The following ZNF718 variants were observed in gnomAD, a reference collection of about 807,000 sequenced individuals.
ZNF718 encodes the protein zinc finger protein 718.
Under a neutral mutation model 2.6 loss-of-function variants are expected in ZNF718, and 3 were observed. That is an observed-to-expected ratio of 1.16 (90% CI 0.53 to 3.01). The LOEUF (loss-of-function observed/expected upper bound fraction) is 3.01. ZNF718 is among the 30% of genes most tolerant of loss of function. ZNF718 has a pLI of 0.03. For synonymous variants in ZNF718, 135 were observed against 77.9 expected (o/e 1.73, Z -3.86); for missense variants, 468 against 230.0 (o/e 2.03, Z -6.69).
intron 3 of ZNF718, among the ~76,000 whole-genome samples, chr4:141,050 T>G (rs1553810156): frequency 6.6e-6 from 1 of 152,238 alleles, no homozygotes; most frequent in Non-Finnish European, 1.5e-5. Flanking sequence ...AAGTCTCTTC[T>G]AAAGTTGCGG....
At chr4:166,005 C>T (rs1717078205), downstream of ZNF718, among the ~76,000 whole-genome samples, 1 of 152,116 alleles carries the variant, frequency 6.6e-6, no homozygotes, top group Admixed American at 6.6e-5. Context: ...TATCCCTCCC[C>T]CAACCCCACA....
chr4:170,045 G>C (rs987673042), intron 3 of ZNF718, among the ~76,000 whole-genome samples: 20 of 151,910 alleles, frequency 1.3e-4, no homozygotes, highest in African/African-American at 4.8e-4. Context: ...CAGGCCTGGT[G>C]GTGACAAAAT....
chr4:160,826 C>G (rs1716789270), intron 3 of ZNF718, 86 bp from the exon 4 acceptor site: 1 of 657,256 alleles, frequency 1.5e-6, no homozygotes, highest in Non-Finnish European at 2.8e-6. Flanking sequence ...GCTGGAATTA[C>G]TGGCTTGAGC....
chr4:182,675 C>T (rs184026975), intron 3 of ZNF718, among the ~76,000 whole-genome samples: 170 of 152,142 alleles, frequency 1.1e-3, no homozygotes, highest in African/African-American at 4.0e-3. Flanking sequence ...TCAAGTGATC[C>T]GCCCACCTCA....
chr4:170,398 T>A (rs993873379), intron 3 of ZNF718, among the ~76,000 whole-genome samples: 1 of 152,176 alleles, frequency 6.6e-6, no homozygotes, highest in Non-Finnish European at 1.5e-5. Context: ...TTGGCCTTCC[T>A]TGCTAGATTG....
intron 3 of ZNF718, among the ~76,000 whole-genome samples, chr4:172,154 C>T (rs782109985): frequency 7.9e-5 from 12 of 152,118 alleles, no homozygotes; most frequent in Non-Finnish European, 1.2e-4. Flanking sequence ...ACTGTATTTA[C>T]GTATTATTTT....
intron 3 of ZNF718, among the ~76,000 whole-genome samples, chr4:195,938 C>A (rs1236016794): frequency 6.6e-6 from 1 of 152,110 alleles, no homozygotes; most frequent in Non-Finnish European, 1.5e-5. Flanking sequence ...CTGTCTTTCT[C>A]TTTTTTTCTC....
At position 132,726 on chromosome 4, in the gene ZNF718, AATTTT is replaced by A. The variant is rs1715377347; in HGVS notation, c.226+1228_226+1232del. On this transcript the variant is annotated intron_variant, in intron 3 of 3. Coordinates refer to ENST00000510175, the MANE Select transcript of ZNF718 (RefSeq NM_001039127.6). ...TGTTTTCCTAAATATGAAAAAATGT[AATTTT>A]ATTTTACTTCAAAATGTTATTGTTT... is the stretch of plus-strand genomic sequence containing the variant. Among the ~76,000 whole-genome samples the A allele has an allele frequency of 1.9e-5, 2 of 104,440 alleles. 1 individual carries two copies. Among genetic ancestry groups the A allele is most frequent in the African/African-American group, 6.6e-5 (2 of 30,188 alleles). 68.5% of individuals were successfully genotyped at this position (104,440 alleles called of 152,430 possible).
At chr4:147,237 T>C (rs4315728) in intron 3 of ZNF718, among the ~76,000 whole-genome samples, 21,316 of 152,214 alleles carry the variant, frequency 0.14, 1,996 homozygotes, top group Admixed American at 0.24. Flanking sequence ...TTTTTAGATC[T>C]GTGTTTTATT....
intron 3 of ZNF718, among the ~76,000 whole-genome samples, chr4:178,486 G>A (rs1717394113): frequency 6.6e-6 from 1 of 152,018 alleles, no homozygotes; most frequent in Non-Finnish European, 1.5e-5. Context: ...AATTTTCTTG[G>A]AGGCTGCATT....
rs1715372521 is a variant in ZNF718 at position 132,434 on chromosome 4, A to T, written c.226+929A>T. On this transcript the variant is annotated intron_variant, in intron 3 of 3. Coordinates refer to ENST00000510175, the MANE Select transcript of ZNF718 (RefSeq NM_001039127.6). ...GGGCTACATGATCTGACTGCTGTTCATTGCTTTTGGGGACCTGGGAACATT... is the reference window on the plus strand; with the variant it reads ...GGGCTACATGATCTGACTGCTGTTCTTTGCTTTTGGGGACCTGGGAACATT... Among the ~76,000 whole-genome samples the T allele has an allele frequency of 1.9e-5, 2 of 103,728 alleles. 1 individual carries two copies. Among genetic ancestry groups the T allele is most frequent in the African/African-American group, 6.7e-5 (2 of 29,888 alleles). 68.0% of individuals were successfully genotyped at this position (103,728 alleles called of 152,430 possible).
chr4:145,915 A>G (rs1013557986), intron 3 of ZNF718, among the ~76,000 whole-genome samples: 2 of 152,018 alleles, frequency 1.3e-5, no homozygotes, highest in African/African-American at 2.4e-5. Context: ...AAATTAAACA[A>G]TTTTACTTCC....
downstream of ZNF718, among the ~76,000 whole-genome samples, chr4:165,030 AAAG>A (rs1345714677): frequency 1.3e-5 from 2 of 152,204 alleles, no homozygotes; most frequent in Admixed American, 6.5e-5. Flanking sequence ...TTCTGAATTT[AAAG>A]AAGATTTCAG....
intron 3 of ZNF718, among the ~76,000 whole-genome samples, chr4:199,144 T>C (rs1717849739): frequency 6.6e-6 from 1 of 152,190 alleles, no homozygotes; most frequent in Non-Finnish European, 1.5e-5. Flanking sequence ...TGGGGCAGAA[T>C]GGTTGATCAA....
At chr4:139,267 G>A (rs555410177) in intron 3 of ZNF718, among the ~76,000 whole-genome samples, 1 of 152,270 alleles carries the variant, frequency 6.6e-6, no homozygotes, top group Non-Finnish European at 1.5e-5. Context: ...TCTTAGATTT[G>A]TCTCTAATCC....
chr4:172,116 T>C (rs1472955872), intron 3 of ZNF718, among the ~76,000 whole-genome samples: 1 of 152,228 alleles, frequency 6.6e-6, no homozygotes, highest in Non-Finnish European at 1.5e-5. Flanking sequence ...GTCACCATGC[T>C]GTACAATAAA....
Position 171,698 on chromosome 4 carries a change from T to C in ZNF718, c.227-29383T>C, listed in dbSNP as rs906450173. 2.6e-5 allele frequency among the ~76,000 whole-genome samples: 4 copies of C among 152,168 alleles called. No individual in the cohort carries two copies. The East Asian group carries it at 7.8e-4, about 30-fold the overall frequency. ...ATTTGCTAAGACCATTGGAAAAGCG[T>C]AGTATTAGGGTGGGAATGACCCAAT... On this transcript the variant is annotated intron_variant and NMD_transcript_variant, in intron 3 of 4. Transcript: ENST00000642529.
intron 3 of ZNF718, among the ~76,000 whole-genome samples, chr4:158,299 T>C (rs1346723874): frequency 6.6e-6 from 1 of 152,168 alleles, no homozygotes; most frequent in African/African-American, 2.4e-5. Flanking sequence ...GGTTGGATCT[T>C]GTTTTTTTAA....
At chr4:176,242 C>T (rs913378732) in intron 3 of ZNF718, among the ~76,000 whole-genome samples, 1 of 152,176 alleles carries the variant, frequency 6.6e-6, no homozygotes, top group Non-Finnish European at 1.5e-5. Context: ...TACTTGGCCA[C>T]AATACAAGAA....
Sources: allele counts gnomAD v4.1 joint callset (sites outside exome capture counted in the v4.1 genomes callset), GRCh38; gene constraint gnomAD v4.1.1; transcripts MANE v1.5; gene names NCBI Gene and HGNC (gene_info 2026-07-23, HGNC 2026-07-21).